The following ABCC2 variants were observed in gnomAD, a reference collection of about 807,000 sequenced individuals.
ABCC2 encodes ATP-binding cassette sub-family C member 2.
In ABCC2, 157 loss-of-function variants were observed where a neutral mutation model predicts 173.4. The observed-to-expected ratio is 0.91, with a 90% CI of 0.80 to 1.03. ABCC2 has a LOEUF of 1.03. ABCC2 is among the 50% of genes least tolerant of loss of function. The pLI is 0.00. For synonymous variants in ABCC2, 657 were observed against 693.5 expected, an observed-to-expected ratio of 0.95 and a Z score of 0.83; for missense variants, 1,822 against 1,852.3, an observed-to-expected ratio of 0.98 and a Z score of 0.30.
Position 99,819,126 on chromosome 10 carries a change from C to T in ABCC2, c.2477C>T (p.Pro826Leu), listed in dbSNP as rs776609852. 2.4e-5 allele frequency: 39 copies of T among 1,613,952 alleles called. 1 individual carries two copies. In the South Asian group the frequency reaches 4.0e-4, roughly 16 times the overall value. ...LLVTHSMHFL[P>L]QVDEIVVLGN... ...GTTACACATAGCATGCACTTTCTTC[C>T]TCAAGTGGATGAGATTGTAGTTCTG... The change falls in exon 19 of 32, where the codon CCT (proline) becomes CTT (leucine). Residue 826 changes from proline to leucine, a missense_variant. Pro to Leu is a moderately conservative substitution (Grantham distance 98, BLOSUM62 -3). Coordinates refer to ENST00000647814, the MANE Select transcript of ABCC2 (RefSeq NM_000392.5).
At chr10:99,827,078 C>T (rs983866502) in intron 19 of ABCC2, among the ~76,000 whole-genome samples, 6 of 151,556 alleles carry the variant, frequency 4.0e-5, no homozygotes, top group South Asian at 2.1e-4. Context: ...TCCTAGTGGG[C>T]GGCTGAGGGT....
In ABCC2 at chr10:99,830,314, T is replaced by C. The variant is rs766900603; in HGVS notation, c.2628T>C (p.Asp876=). ...TCTACTGTGTCTCCCTAGTCCATGA[T>C]GGCAGTGAAGAAGAAGACGATGACT... The part of the protein sequence containing the change: ...TGPEEEATVH[D]GSEEEDDDYG... Residue 876 remains aspartate, a synonymous_variant, in exon 20 of 32, where the codon GAT becomes GAC. Coordinates refer to ENST00000647814, the MANE Select transcript of ABCC2 (RefSeq NM_000392.5). 11 of 1,614,160 alleles carry C rather than the reference T, an allele frequency of 6.8e-6. No individual in the cohort carries two copies. The South Asian group carries it at 1.1e-4, about 16-fold the overall frequency.
intron 19 of ABCC2, among the ~76,000 whole-genome samples, chr10:99,829,995 A>G (rs936660514): frequency 1.3e-5 from 2 of 152,146 alleles, no homozygotes; most frequent in Non-Finnish European, 1.5e-5. Context: ...CTATTTGTCT[A>G]CCATAATCCT....
In ABCC2 at chr10:99,841,974, G is replaced by A. The variant is rs1230011500; in HGVS notation, c.3622G>A (p.Ala1208Thr). Residue 1208 changes from alanine to threonine, a missense_variant, in exon 26 of 32, where the codon GCA becomes ACA. Physicochemically the swap from Ala to Thr is moderately conservative, Grantham distance 58. Coordinates refer to ENST00000647814, the MANE Select transcript of ABCC2 (RefSeq NM_000392.5). ...GGTTCTGTTGCCCCACAGGTGGCTTGCAATTCGCCTGGAGCTGGTTGGGAA... is the reference window on the plus strand; with the variant it reads ...GGTTCTGTTGCCCCACAGGTGGCTTACAATTCGCCTGGAGCTGGTTGGGAA... ...FSWITSNRWL[A>T]IRLELVGNLT... 1.2e-6 allele frequency: 2 copies of A among 1,614,162 alleles called. No homozygotes were observed. The highest frequency in any genetic ancestry group is 3.3e-5 in the Admixed American group (2 of 60,024).
At chr10:99,847,894 G>T (rs956876443) in intron 30 of ABCC2, among the ~76,000 whole-genome samples, 2 of 152,096 alleles carry the variant, frequency 1.3e-5, no homozygotes, top group African/African-American at 2.4e-5. Context: ...CTCCAGCCTG[G>T]GAGACAGAGC....
intron 22 of ABCC2, 57 bp downstream of exon 22, chr10:99,831,887 G>A (rs2038746551): frequency 6.2e-7 from 1 of 1,613,036 alleles, no homozygotes; most frequent in African/African-American, 1.3e-5. Flanking sequence ...TACTTTTCCT[G>A]GACTCAGGAA....
At chr10:99,828,109 T>C (rs1353643373) in intron 19 of ABCC2, among the ~76,000 whole-genome samples, 1 of 150,498 alleles carries the variant, frequency 6.6e-6, no homozygotes, top group Admixed American at 6.6e-5. Context: ...AGTTTTCCCA[T>C]ACTAATGGTA....
intron 24 of ABCC2, 34 bp from the exon 25 acceptor site, chr10:99,836,057 C>T (rs760354073): frequency 1.7e-5 from 27 of 1,606,594 alleles, no homozygotes; most frequent in African/African-American, 4.0e-5. Flanking sequence ...CTCATGACTG[C>T]GGGACTGGCT....
intron 6 of ABCC2, 102 bp from the exon 7 acceptor site, chr10:99,796,995 G>A: frequency 1.0e-6 from 1 of 1,002,838 alleles, no homozygotes; most frequent in Non-Finnish European, 1.5e-6. Context: ...CCATTCTTCT[G>A]TCCCTCTATC....
At position 99,814,162 on chromosome 10, in the gene ABCC2, C is replaced by CAT. The variant is rs373245901; in HGVS notation, c.2094+1018_2094+1019insAT. On this transcript the variant is annotated intron_variant, in intron 16 of 31. Transcript: ENST00000647814. ...ATATACACACATGTATGTATACACACGTATATATACACACATGTATGTATA... is the reference window on the plus strand; with the variant it reads ...ATATACACACATGTATGTATACACACATGTATATATACACACATGTATGTATA... 2.0e-3 allele frequency among the ~76,000 whole-genome samples: 54 copies of CAT among 26,652 alleles called. 3 individuals carry two copies. Among genetic ancestry groups the CAT allele is most frequent in the Non-Finnish European group, 2.8e-3 (37 of 13,424 alleles). The allele number at this position is 26,652 out of a possible 152,430, so 17.5% of individuals were successfully genotyped here.
At position 99,797,271 on chromosome 10, in the gene ABCC2, T is replaced by A. The variant is rs760678942; in HGVS notation, c.807T>A (p.Ser269=). 8 of 1,613,900 alleles carry A rather than the reference T, an allele frequency of 5.0e-6. No homozygotes were observed. In the East Asian group the frequency reaches 1.8e-4, roughly 36 times the overall value. Reference sequence around the variant, plus strand: ...AGGAGAAGAGCTCCCAGCAGAACTCTGGAGCCAGGCTGCCTGGCTTGAACA... The same window carrying A: ...AGGAGAAGAGCTCCCAGCAGAACTCAGGAGCCAGGCTGCCTGGCTTGAACA... The part of the protein sequence containing the change: ...RRQEKSSQQN[S]GARLPGLNKN... Residue 269 remains serine, a synonymous_variant, in exon 7 of 32, where the codon TCT becomes TCA. Transcript: ENST00000647814.
intron 16 of ABCC2, 83 bp downstream of exon 16, chr10:99,813,227 T>G (rs2038247818): frequency 6.5e-7 from 1 of 1,527,102 alleles, no homozygotes; most frequent in Non-Finnish European, 8.9e-7. Flanking sequence ...GAGAAGGCAC[T>G]GAGGGCTAGT....
intron 30 of ABCC2, among the ~76,000 whole-genome samples, chr10:99,849,628 T>A (rs993722825): frequency 2.6e-5 from 4 of 152,228 alleles, no homozygotes; most frequent in African/African-American, 9.6e-5. Flanking sequence ...AGTCTGTTAC[T>A]CTAAAGTCCA....
chr10:99,832,222 G>A, intron 23 of ABCC2, 91 bp downstream of exon 23: 2 of 1,510,282 alleles, frequency 1.3e-6, no homozygotes, highest in East Asian at 2.3e-5. Context: ...AGACAACACT[G>A]TTCAGTTCCA....
rs752179187 is a variant in ABCC2, at chr10:99,801,021, C to T, written c.1209+458C>T. Among the ~76,000 whole-genome samples, 4 of 152,230 alleles carry T rather than the reference C, an allele frequency of 2.6e-5. No individual in the cohort carries two copies. The South Asian group carries it at 8.3e-4, about 32-fold the overall frequency. On this transcript the variant is annotated intron_variant, in intron 9 of 31. Coordinates refer to ENST00000647814, the MANE Select transcript of ABCC2 (RefSeq NM_000392.5). ...TATCCATCTCAAATTGCAGTCTTGCCGGAGCTCCACCTCCCCAGACCAAAT... is the reference window on the plus strand; with the variant it reads ...TATCCATCTCAAATTGCAGTCTTGCTGGAGCTCCACCTCCCCAGACCAAAT...
At chr10:99,842,601 A>AG (rs1417603913) in intron 26 of ABCC2, among the ~76,000 whole-genome samples, 1 of 152,182 alleles carries the variant, frequency 6.6e-6, no homozygotes, top group East Asian at 1.9e-4. Context: ...ATTCTTTTCT[A>AG]GCACCTAAGA....
At chr10:99,837,137 CTT>C (rs34959207) in intron 25 of ABCC2, among the ~76,000 whole-genome samples, 20 of 104,694 alleles carry the variant, frequency 1.9e-4, no homozygotes, top group Admixed American at 3.0e-4. Context: ...TGAGAAAGTC[CTT>C]TTTTTTTTTT....
intron 17 of ABCC2, 36 bp from the exon 18 acceptor site, chr10:99,818,754 G>A: frequency 6.2e-7 from 1 of 1,611,878 alleles, no homozygotes. Context: ...GTGGATCTAG[G>A]GAGTAGTGCT....
chr10:99,792,139 A>T, intron 2 of ABCC2, 95 bp from the exon 3 acceptor site: 1 of 1,478,608 alleles, frequency 6.8e-7, no homozygotes, highest in South Asian at 1.1e-5. Context: ...GAATCACTGC[A>T]TACCGCTTTT....
Sources: allele counts gnomAD v4.1 joint callset (sites outside exome capture counted in the v4.1 genomes callset), GRCh38; gene constraint gnomAD v4.1.1; transcripts MANE v1.5; gene names NCBI Gene and HGNC (gene_info 2026-07-23, HGNC 2026-07-21).